The following SERPINA12 variants were observed in gnomAD, a reference collection of about 807,000 sequenced individuals.
SERPINA12 encodes serpin family A member 12.
In SERPINA12, 21 loss-of-function variants were observed where a neutral mutation model predicts 25.9. The ratio of observed to expected loss-of-function variants is 0.81; its 90% CI spans 0.58 to 1.17. The LOEUF is 1.17. Among genes scored for constraint, SERPINA12 ranks in the 50% most tolerant of loss-of-function variants. SERPINA12 has a pLI of 0.00. For synonymous variants in SERPINA12, 220 were observed against 196.0 expected (o/e 1.12, Z -1.02); for missense variants, 562 against 508.3 (o/e 1.11, Z -1.02).
chr14:94,513,312 A>G (rs757640377), upstream of SERPINA12, among the ~76,000 whole-genome samples: 23 of 152,216 alleles, frequency 1.5e-4, no homozygotes, highest in Non-Finnish European at 2.8e-4. Flanking sequence ...ACTTTCAGAG[A>G]GAGAATACAA....
In SERPINA12 at chr14:94,489,853, T is replaced by A. The variant is rs1337590817; in HGVS notation, c.906-86A>T. ...CAGGATACATGACCAATGAAACATG[T>A]GTCCTCCCAGCCCCAAAGGTCTCCA... On this transcript the variant is annotated intron_variant, in intron 3 of 4. Transcript: ENST00000677451. The A allele has an allele frequency of 1.4e-5, 19 of 1,370,406 alleles. No homozygotes were observed. The Admixed American group carries it at 3.3e-4, about 24-fold the overall frequency. The allele number at this position is 1,370,406 out of a possible 1,614,324, so 84.9% of individuals were successfully genotyped here.
chr14:94,498,906 C>T (rs762902974), intron 1 of SERPINA12, among the ~76,000 whole-genome samples: 2 of 152,098 alleles, frequency 1.3e-5, no homozygotes, highest in Non-Finnish European at 2.9e-5. Context: ...TGAAGTAGCC[C>T]TGGAGCTGAA....
chr14:94,504,857 C>G (rs1177464231), intron 1 of SERPINA12, among the ~76,000 whole-genome samples: 1 of 152,080 alleles, frequency 6.6e-6, no homozygotes, highest in East Asian at 1.9e-4. Context: ...TCCAAATTGT[C>G]TTTAAAAAAC....
intron 3 of SERPINA12, among the ~76,000 whole-genome samples, chr14:94,492,789 C>T (rs555585281): frequency 2.0e-5 from 3 of 152,146 alleles, no homozygotes; most frequent in Non-Finnish European, 2.9e-5. Context: ...AGTGGACCCT[C>T]GACACTTCTG....
intron 2 of SERPINA12, among the ~76,000 whole-genome samples, chr14:94,497,008 A>G (rs1054607373): frequency 1.3e-5 from 2 of 152,214 alleles, no homozygotes; most frequent in African/African-American, 4.8e-5. Context: ...TTTAGCCATC[A>G]ATCTGCCTGT....
chr14:94,503,564 G>T (rs751620471), intron 1 of SERPINA12, among the ~76,000 whole-genome samples: 1 of 152,204 alleles, frequency 6.6e-6, no homozygotes, highest in Non-Finnish European at 1.5e-5. Context: ...AGGAGGAGGG[G>T]TATGTGGGTT....
chr14:94,499,905 T>C (rs553549395), intron 1 of SERPINA12, among the ~76,000 whole-genome samples: 2 of 152,176 alleles, frequency 1.3e-5, no homozygotes, highest in Non-Finnish European at 2.9e-5. Flanking sequence ...CTGGGTCAGT[T>C]AGGTCTTATC....
upstream of SERPINA12, among the ~76,000 whole-genome samples, chr14:94,512,207 G>T (rs752729369): frequency 1.3e-5 from 2 of 152,134 alleles, no homozygotes; most frequent in African/African-American, 4.8e-5. Flanking sequence ...AAAAAAAGCC[G>T]CAGCTCCATC....
At chr14:94,517,489 C>T (rs566706735) in exon 1 of SERPINA12, 5 of 152,372 alleles carry the variant, frequency 3.3e-5, no homozygotes, top group South Asian at 2.1e-4. Context: ...GGGAGTGATA[C>T]TGATCACCAT....
chr14:94,493,286 G>A (rs1900253682), intron 3 of SERPINA12, among the ~76,000 whole-genome samples: 1 of 152,198 alleles, frequency 6.6e-6, no homozygotes, highest in African/African-American at 2.4e-5. Flanking sequence ...CCTGGGGACG[G>A]TGAGCAAGCC....
At chr14:94,494,046 C>T (rs948198260) in intron 3 of SERPINA12, among the ~76,000 whole-genome samples, 14 of 152,188 alleles carry the variant, frequency 9.2e-5, no homozygotes, top group Middle Eastern at 3.4e-3. Flanking sequence ...GCACTCAGGA[C>T]AGTGAGTTCC....
At chr14:94,515,716 G>C (rs532915113) in intron 2 of SERPINA12, 2 of 152,534 alleles carry the variant, frequency 1.3e-5, no homozygotes, top group Non-Finnish European at 2.9e-5. Context: ...AAACAGTGCA[G>C]ATGCGGGCAA....
rs1180423757 is a variant in SERPINA12 at position 94,489,698 on chromosome 14, G to A, written c.975C>T (p.Tyr325=). The A allele has an allele frequency of 1.2e-6, 2 of 1,614,062 alleles. No homozygotes were observed. The highest frequency in any genetic ancestry group is 1.7e-6 in the Non-Finnish European group (2 of 1,180,016). Residue 325 remains tyrosine, a synonymous_variant, in exon 4 of 5, where the codon TAC becomes TAT. Coordinates refer to ENST00000677451, the MANE Select transcript of SERPINA12 (RefSeq NM_001382267.1). ...GTFDLKKTLS[Y]IGVSKIFEEH... Reference sequence around the variant, plus strand: ...CCTCAAAGATTTTGGAGACACCTATGTAGGAGAGAGTCTTCTTCAGGTCGA... The same window carrying A: ...CCTCAAAGATTTTGGAGACACCTATATAGGAGAGAGTCTTCTTCAGGTCGA...
upstream of SERPINA12, chr14:94,510,093 AG>A (rs1901070729): frequency 1.0e-6 from 1 of 985,284 alleles, no homozygotes; most frequent in Admixed American, 6.1e-5. Context: ...TACCAGACAT[AG>A]GTGACTCATA....
intron 1 of SERPINA12, among the ~76,000 whole-genome samples, chr14:94,499,843 C>T (rs1397371126): frequency 2.6e-5 from 4 of 152,174 alleles, no homozygotes; most frequent in African/African-American, 7.2e-5. Context: ...TGGATAGAAT[C>T]GGTCAGTTGG....
At chr14:94,498,483 C>T in intron 1 of SERPINA12, 53 bp from the exon 2 acceptor site, 1 of 1,395,732 alleles carries the variant, frequency 7.2e-7, no homozygotes, top group Non-Finnish European at 9.8e-7. Context: ...ACATGTTACC[C>T]AGAGGAAGAC....
At chr14:94,490,270 C>G (rs1415253398) in intron 3 of SERPINA12, among the ~76,000 whole-genome samples, 1 of 152,172 alleles carries the variant, frequency 6.6e-6, no homozygotes, top group East Asian at 1.9e-4. Context: ...CTGCGGGACA[C>G]TAGGGGTGCT....
intron 2 of SERPINA12, among the ~76,000 whole-genome samples, chr14:94,497,064 G>T (rs146895425): frequency 6.8e-4 from 104 of 152,286 alleles, no homozygotes; most frequent in African/African-American, 2.4e-3. Flanking sequence ...CCATGTTCCT[G>T]ACACTCCAGC....
chr14:94,499,396 T>C (rs1270762815), intron 1 of SERPINA12, among the ~76,000 whole-genome samples: 1 of 152,190 alleles, frequency 6.6e-6, no homozygotes, highest in East Asian at 1.9e-4. Flanking sequence ...TTTAGCTACG[T>C]TTTCCCTTAA....
Sources: allele counts gnomAD v4.1 joint callset (sites outside exome capture counted in the v4.1 genomes callset), GRCh38; gene constraint gnomAD v4.1.1; transcripts MANE v1.5; gene names NCBI Gene and HGNC (gene_info 2026-07-23, HGNC 2026-07-21).